Variants in MBNL2 observed in about 807,000 individuals in gnomAD.
MBNL2 encodes muscleblind like splicing regulator 2, also known as muscleblind-like protein 2.
A neutral mutation model predicts 41.9 loss-of-function variants in MBNL2; 17 were observed. The ratio of observed to expected loss-of-function variants is 0.41; its 90% CI spans 0.28 to 0.61. The LOEUF is 0.61. MBNL2 is among the 20% of genes least tolerant of loss of function. The pLI is 0.35. For missense variants in MBNL2, 336 were observed against 505.6 expected (o/e 0.66, Z 3.22); for synonymous variants, 195 against 182.9 (o/e 1.07, Z -0.53).
At chr13:97,159,387 T>G in the MBNL2 span, among the ~76,000 whole-genome samples, 1 of 152,048 alleles carries the variant, frequency 6.6e-6, no homozygotes, top group Non-Finnish European at 1.5e-5. Context: ...GAGCATTTAG[T>G]CCATTTACAT....
chr13:97,266,843 A>G (rs948220526), intron 1 of MBNL2, among the ~76,000 whole-genome samples: 4 of 152,226 alleles, frequency 2.6e-5, no homozygotes, highest in African/African-American at 7.2e-5. Flanking sequence ...AAAAAGAATT[A>G]AAGGCATCCT....
chr13:97,310,057 A>C (rs2058452967), intron 2 of MBNL2, among the ~76,000 whole-genome samples: 2 of 152,248 alleles, frequency 1.3e-5, no homozygotes, highest in South Asian at 4.1e-4. Flanking sequence ...GTAAGGACAG[A>C]GGACTGTCGG....
At chr13:97,313,753 C>G (rs2058804161) in intron 2 of MBNL2, among the ~76,000 whole-genome samples, 2 of 152,146 alleles carry the variant, frequency 1.3e-5, no homozygotes. Context: ...CACATTCTTT[C>G]AAGGTCTGAG....
chr13:97,214,591 A>G, the MBNL2 span, among the ~76,000 whole-genome samples: 1 of 152,178 alleles, frequency 6.6e-6, no homozygotes, highest in African/African-American at 2.4e-5. Context: ...CTCAGTCAGA[A>G]GGTGGGCAGA....
At chr13:97,149,016 A>G in the MBNL2 span, among the ~76,000 whole-genome samples, 7 of 152,312 alleles carry the variant, frequency 4.6e-5, no homozygotes, top group South Asian at 1.4e-3. Flanking sequence ...TCCACGCAAT[A>G]TGTTTGCTGT....
chr13:97,175,752 C>A, the MBNL2 span, among the ~76,000 whole-genome samples: 22 of 152,130 alleles, frequency 1.4e-4, no homozygotes, highest in Non-Finnish European at 2.4e-4. Context: ...GCCAGAGGGA[C>A]TCTCTGGTAG....
chr13:97,290,830 G>T (rs535207713), intron 2 of MBNL2, among the ~76,000 whole-genome samples: 1 of 152,332 alleles, frequency 6.6e-6, no homozygotes, highest in African/African-American at 2.4e-5. Context: ...TGCAGAAAGG[G>T]TGGCTTGTGA....
the MBNL2 span, among the ~76,000 whole-genome samples, chr13:97,155,380 TC>T: frequency 6.2e-5 from 9 of 145,574 alleles, no homozygotes; most frequent in South Asian, 1.7e-3. Context: ...AAAGTAATTT[TC>T]TTTTTTTTTT....
the MBNL2 span, among the ~76,000 whole-genome samples, chr13:97,199,096 G>A: frequency 6.6e-6 from 1 of 152,024 alleles, no homozygotes; most frequent in African/African-American, 2.4e-5. Context: ...TTGGCCAAGA[G>A]TGCTGGTCAC....
rs150426520 is a variant in MBNL2, at chr13:97,342,728, A to C, written c.340-288A>C. The stretch of plus-strand genomic sequence containing the variant: ...TAACATTTAATAGTTTGGAATGTTG[A>C]GTAATTAGAGTTGAAATTATTTTCT... On this transcript the variant is annotated intron_variant, in intron 3 of 8. Transcript: ENST00000679496. 1.2e-3 allele frequency among the ~76,000 whole-genome samples: 177 copies of C among 152,316 alleles called. No individual in the cohort carries two copies. In the East Asian group the frequency reaches 0.022, roughly 19 times the overall value.
At chr13:97,194,437 C>A in the MBNL2 span, among the ~76,000 whole-genome samples, 5 of 152,168 alleles carry the variant, frequency 3.3e-5, no homozygotes, top group Non-Finnish European at 7.3e-5. Context: ...GCAAACAAGA[C>A]CCCTGCCCAC....
chr13:97,285,476 C>T lies in MBNL2; in HGVS notation c.174+9067C>T, dbSNP rs570231665. Among the ~76,000 whole-genome samples the T allele has an allele frequency of 1.0e-3, 158 of 152,358 alleles. 1 individual carries two copies. Among genetic ancestry groups the T allele is most frequent in the Non-Finnish European group, 1.9e-3 (131 of 68,034 alleles). Reference sequence around the variant, plus strand: ...GCAGCTGCCACTCAGCAATAGACAGCTGTTGCCTGCCTTGTGATAATCTGA... The same window carrying T: ...GCAGCTGCCACTCAGCAATAGACAGTTGTTGCCTGCCTTGTGATAATCTGA... On this transcript the variant is annotated intron_variant, in intron 2 of 8. Transcript: ENST00000679496.
At chr13:97,287,635 C>T (rs1442846921) in intron 2 of MBNL2, among the ~76,000 whole-genome samples, 2 of 151,808 alleles carry the variant, frequency 1.3e-5, no homozygotes, top group Admixed American at 1.3e-4. Context: ...TTCTACAAAA[C>T]GTTGTTTTTT....
the MBNL2 span, among the ~76,000 whole-genome samples, chr13:97,175,831 A>T: frequency 1.4e-4 from 21 of 152,184 alleles, no homozygotes; most frequent in Non-Finnish European, 3.1e-4. Flanking sequence ...TCAGGACCTG[A>T]TAGAGTTGCA....
At chr13:97,159,944 G>A in the MBNL2 span, among the ~76,000 whole-genome samples, 2 of 151,950 alleles carry the variant, frequency 1.3e-5, no homozygotes, top group African/African-American at 2.4e-5. Context: ...ATGTTGGCCT[G>A]CCTTGCTAGA....
At chr13:97,319,541 G>A (rs9513235) in intron 2 of MBNL2, among the ~76,000 whole-genome samples, 93,685 of 151,984 alleles carry the variant, frequency 0.62, 31,406 homozygotes, top group African/African-American at 0.9. Flanking sequence ...GACCCCACCC[G>A]TGTCACGGGT....
At chr13:97,177,783 C>T in the MBNL2 span, among the ~76,000 whole-genome samples, 2 of 152,216 alleles carry the variant, frequency 1.3e-5, no homozygotes, top group Admixed American at 6.5e-5. Context: ...TTTCCAGAGA[C>T]ATAAAATGTG....
intron 1 of MBNL2, among the ~76,000 whole-genome samples, chr13:97,272,957 G>C (rs1214285202): frequency 6.6e-6 from 1 of 152,128 alleles, no homozygotes; most frequent in Non-Finnish European, 1.5e-5. Flanking sequence ...TTTCTTCCAG[G>C]GGGAATGAAA....
At chr13:97,161,910 T>C in the MBNL2 span, among the ~76,000 whole-genome samples, 248 of 152,284 alleles carry the variant, frequency 1.6e-3, no homozygotes, top group Non-Finnish European at 2.9e-3. Context: ...GAGGAGTACA[T>C]CTGTGTCAGT....
Sources: gnomAD v4.1 joint callset for allele counts (sites outside exome capture counted in the v4.1 genomes callset) on GRCh38, gnomAD v4.1.1 for gene constraint, MANE v1.5 for transcripts, NCBI Gene and HGNC (gene_info 2026-07-23, HGNC 2026-07-21) for gene names.